Variants in POMT1 observed in about 807,000 individuals in gnomAD.
POMT1 encodes protein O-mannosyl-transferase 1.
A neutral mutation model predicts 101.6 loss-of-function variants in POMT1; 85 were observed. That is an observed-to-expected ratio of 0.84 (90% confidence interval 0.70 to 1.00). The LOEUF is 1.00. Among genes scored for constraint, POMT1 ranks in the 50% least tolerant of loss-of-function variants. The probability of loss-of-function intolerance (pLI) is 0.00; values close to 1 mark genes in which losing one functional copy is unlikely to be tolerated. For synonymous variants in POMT1, 371 were observed against 383.0 expected, an observed-to-expected ratio of 0.97 and a Z score of 0.37; for missense variants, 857 against 930.4, an observed-to-expected ratio of 0.92 and a Z score of 1.03.
In POMT1 at chr9:131,520,510, C is replaced by T. The variant is rs181171120; in HGVS notation, c.1698+317C>T. Among the ~76,000 whole-genome samples, 585 of 152,310 alleles carry T rather than the reference C, an allele frequency of 3.8e-3. 1 individual carries two copies. The highest frequency in any genetic ancestry group is 6.7e-3 in the Admixed American group (103 of 15,300). ...TGTGGCACCTGGTGGTGGAGCTTAC[C>T]GGTGCTTTGCTGATGTGCGTGCCGT... is the stretch of plus-strand genomic sequence containing the variant. On this transcript the variant is annotated intron_variant, in intron 17 of 19. Transcript: ENST00000402686.
chr9:131,523,126 A>G lies in POMT1; in HGVS notation c.*20A>G, dbSNP rs375294593. On this transcript the variant is annotated 3_prime_UTR_variant, in exon 20 of 20. Coordinates refer to ENST00000402686, the MANE Select transcript of POMT1 (RefSeq NM_001077365.2). ...CACTAGAACAAGAGTGTGGCAAAGA[A>G]CACCCGTGCTGGGGTCGGGATGAGG... The G allele has an allele frequency of 1.9e-6, 3 of 1,608,306 alleles. No individual in the cohort carries two copies. Among genetic ancestry groups the G allele is most frequent in the Non-Finnish European group, 2.5e-6 (3 of 1,179,248 alleles).
chr9:131,513,332 G>C lies in POMT1; in HGVS notation c.1175+1G>C. 2.5e-6 allele frequency: 4 copies of C among 1,610,834 alleles called. No homozygotes were observed. Among genetic ancestry groups the C allele is most frequent in the Non-Finnish European group, 2.5e-6 (3 of 1,179,502 alleles). On this transcript the variant is annotated splice_donor_variant, in intron 12 of 19. Coordinates refer to ENST00000402686, the MANE Select transcript of POMT1 (RefSeq NM_001077365.2). LOFTEE classifies it high-confidence loss of function. The stretch of plus-strand genomic sequence containing the variant: ...GCATGACCACCCGCTCCCTGAACAC[G>C]TGAGTGTGCCCGCCGTCTGCTCTGC...
rs565757116 is a variant in POMT1, at chr9:131,508,236, C to CA, written c.428-667dup. Among the ~76,000 whole-genome samples the CA allele has an allele frequency of 3.1e-4, 41 of 132,434 alleles. 1 individual carries two copies. The East Asian group carries it at 7.7e-3, about 25-fold the overall frequency. 86.9% of individuals were successfully genotyped at this position (132,434 alleles called of 152,430 possible). On this transcript the variant is annotated intron_variant, in intron 5 of 19. Coordinates refer to ENST00000402686, the MANE Select transcript of POMT1 (RefSeq NM_001077365.2). ...TGGGCAACAGAGCAAGACTCCATCT[C>CA]AAAAAAAATAAATAAGCCGGGCACG...
chr9:131,521,373 G>C lies in POMT1; in HGVS notation c.1726G>C (p.Val576Leu), dbSNP rs756804243. The C allele has an allele frequency of 1.2e-6, 2 of 1,614,158 alleles. No individual in the cohort carries two copies. The highest frequency in any genetic ancestry group is 2.2e-5 in the East Asian group (1 of 44,882). ...TCAGATCCACCTACTTGGAAACATA[G>C]TGATCTGGGTTTCGGGCAGCCTCGC... ...SAQIHLLGNIVIWVSGSLALA... is the reference protein window; with the variant it reads ...SAQIHLLGNILIWVSGSLALA... Residue 576 changes from valine (V) to leucine (L), a missense_variant, in exon 18 of 20, where the codon GTG becomes CTG. Physicochemically the swap from Val to Leu is conservative, Grantham distance 32. Transcript: ENST00000402686.
chr9:131,515,127 C>A (rs1240873306), intron 12 of POMT1, among the ~76,000 whole-genome samples: 1 of 152,236 alleles, frequency 6.6e-6, no homozygotes, highest in African/African-American at 2.4e-5. Flanking sequence ...CGGGCCTGGG[C>A]GCACGGTTCC....
chr9:131,507,224 T>TCTG, intron 4 of POMT1, 144 bp from the exon 5 acceptor site: 6 of 1,211,596 alleles, frequency 5.0e-6, no homozygotes, highest in Non-Finnish European at 7.2e-6. Context: ...GTTTATGCAC[T>TCTG]CTGCTGCTGA....
rs750453909 is a variant in POMT1 at position 131,523,069 on chromosome 9, GGAAA to G, written c.2144_2147del (p.Lys715ThrfsTer6). 5.0e-6 allele frequency: 8 copies of G among 1,611,580 alleles called. No individual in the cohort carries two copies. The South Asian group carries it at 8.8e-5, about 18-fold the overall frequency. On this transcript the variant is annotated frameshift_variant, in exon 20 of 20. Coordinates refer to ENST00000402686, the MANE Select transcript of POMT1 (RefSeq NM_001077365.2). LOFTEE classifies it high-confidence loss of function. The stretch of plus-strand genomic sequence containing the variant: ...CCACATGAACTCAAGGCCCTTCGCT[GGAAA>G]GACAGCTGGGACATCTTGATCCGAA...
At chr9:131,508,645 G>A (rs1401222554) in intron 5 of POMT1, among the ~76,000 whole-genome samples, 1 of 152,244 alleles carries the variant, frequency 6.6e-6, no homozygotes, top group Non-Finnish European at 1.5e-5. Flanking sequence ...GCTGCAGTGA[G>A]CCATGATGGT....
intron 5 of POMT1, 25 bp downstream of exon 5, chr9:131,507,539 C>A: frequency 6.2e-7 from 1 of 1,613,558 alleles, no homozygotes; most frequent in South Asian, 1.1e-5. Flanking sequence ...CCTGCCTGCT[C>A]TTGCTGTCAT....
Position 131,520,153 on chromosome 9 carries a change from T to C in POMT1, c.1658T>C (p.Leu553Pro), listed in dbSNP as rs777490066. 1.2e-6 allele frequency: 2 copies of C among 1,613,834 alleles called. No individual in the cohort carries two copies. The highest frequency in any genetic ancestry group is 1.7e-6 in the Non-Finnish European group (2 of 1,180,014). Residue 553 changes from leucine to proline, a missense_variant, in exon 17 of 20, where the codon CTG becomes CCG. Coordinates refer to ENST00000402686, the MANE Select transcript of POMT1 (RefSeq NM_001077365.2). The part of the protein sequence containing the change: ...YSSSPLEWVT[L>P]DTNIAYWLHP... ...TCCAGCCCACTGGAGTGGGTCACCCTGGACACCAATATTGCCTACTGGCTG... is the reference window on the plus strand; with the variant it reads ...TCCAGCCCACTGGAGTGGGTCACCCCGGACACCAATATTGCCTACTGGCTG...
In POMT1 at chr9:131,509,802, C is replaced by G. The variant is rs886043111; in HGVS notation, c.599C>G (p.Ala200Gly). 1.8e-5 allele frequency: 29 copies of G among 1,614,072 alleles called. No homozygotes were observed. The highest frequency in any genetic ancestry group is 2.5e-5 in the Non-Finnish European group (29 of 1,180,034). ...LTLTGVACSC[A>G]VGIKYMGVFT... ...CTGACAGGGGTCGCTTGTTCCTGTG[C>G]AGTGGGGTGAGTTTGAGCCTCTGGT... is the stretch of plus-strand genomic sequence containing the variant. The change falls in exon 7 of 20, where the codon GCA (alanine) becomes GGA (glycine). Residue 200 changes from alanine to glycine, a missense_variant. Transcript: ENST00000402686.
intron 12 of POMT1, among the ~76,000 whole-genome samples, chr9:131,513,724 G>A (rs747183803): frequency 1.3e-5 from 2 of 152,222 alleles, no homozygotes; most frequent in Non-Finnish European, 2.9e-5. Context: ...CTGGAAGCTC[G>A]GGCACGAGTG....
intron 13 of POMT1, among the ~76,000 whole-genome samples, chr9:131,516,300 T>C (rs372818561): frequency 9.4e-4 from 138 of 147,526 alleles, no homozygotes; most frequent in Middle Eastern, 7.4e-3. Context: ...CACGGAACAC[T>C]TCCTCACACG....
chr9:131,506,962 G>T (rs1233794541), intron 4 of POMT1, among the ~76,000 whole-genome samples: 1 of 151,992 alleles, frequency 6.6e-6, no homozygotes, highest in African/African-American at 2.4e-5. Flanking sequence ...AGCAACTCGG[G>T]AGGCTGAGGC....
rs772299952 is a variant in POMT1 at position 131,510,396 on chromosome 9, C to A, written c.836C>A (p.Ala279Asp). ...CCCCACGACCAAATCATGTCCAGTG[C>A]CTTCCAGGCCAGCTTAGAGGTAAGT... ...SGPHDQIMSS[A>D]FQASLEGGLA... Residue 279 changes from alanine to aspartate, a missense_variant, in exon 9 of 20, where the codon GCC becomes GAC. Ala to Asp is a moderately radical substitution (Grantham distance 126, BLOSUM62 -2). Coordinates refer to ENST00000402686, the MANE Select transcript of POMT1 (RefSeq NM_001077365.2). 1.9e-6 allele frequency: 3 copies of A among 1,614,066 alleles called. No homozygotes were observed. In the African/African-American group the frequency reaches 4.0e-5, roughly 22 times the overall value.
chr9:131,504,695 A>G (rs1274374641), intron 2 of POMT1, among the ~76,000 whole-genome samples: 3 of 151,230 alleles, frequency 2.0e-5, no homozygotes, highest in African/African-American at 4.9e-5. Flanking sequence ...TGTTTTTGTC[A>G]TAATGGGAAG....
intron 4 of POMT1, 21 bp from the exon 5 acceptor site, chr9:131,507,347 G>A (rs1235174545): frequency 1.2e-6 from 2 of 1,614,008 alleles, no homozygotes; most frequent in Admixed American, 3.3e-5. Flanking sequence ...AGTCAGCTCT[G>A]CAGTGTGGTT....
chr9:131,510,969 C>A (rs546665198), intron 9 of POMT1: 2 of 276,550 alleles, frequency 7.2e-6, no homozygotes, highest in Non-Finnish European at 7.0e-6. Context: ...CCAAGCCTGC[C>A]GACGGCCAGT....
At chr9:131,521,128 C>A (rs926437414) in intron 17 of POMT1, 2 of 611,606 alleles carry the variant, frequency 3.3e-6, no homozygotes, top group Admixed American at 4.6e-5. Flanking sequence ...CAGGCATGTG[C>A]CACCACACCC....
Sources: allele counts gnomAD v4.1 joint callset (sites outside exome capture counted in the v4.1 genomes callset), GRCh38; gene constraint gnomAD v4.1.1; transcripts MANE v1.5; gene names NCBI Gene and HGNC (gene_info 2026-07-23, HGNC 2026-07-21).